Variants in PDGFC observed in about 807,000 individuals in gnomAD.
The protein encoded by PDGFC is platelet derived growth factor C, also known as platelet-derived growth factor C.
PDGFC carries 12 observed loss-of-function variants against 35.5 expected under a neutral mutation model. That is an observed-to-expected ratio of 0.34 (90% CI 0.22 to 0.55). The LOEUF is 0.55. Among genes scored for constraint, PDGFC ranks in the 20% least tolerant of loss-of-function variants. The pLI, the probability that PDGFC is intolerant of heterozygous loss-of-function variation, is 0.91. For missense variants in PDGFC, 322 were observed against 412.4 expected (o/e 0.78, Z 1.90); for synonymous variants, 159 against 148.8 (o/e 1.07, Z -0.50).
At chr4:156,797,751 G>A (rs1395747247) in intron 3 of PDGFC, among the ~76,000 whole-genome samples, 4 of 152,224 alleles carry the variant, frequency 2.6e-5, no homozygotes, top group African/African-American at 9.6e-5. Context: ...CAAGCTTGGA[G>A]TTGGTCACCT....
chr4:156,893,337 A>ATT, intron 1 of PDGFC, among the ~76,000 whole-genome samples: 1 of 147,640 alleles, frequency 6.8e-6, no homozygotes, highest in Non-Finnish European at 1.5e-5. Flanking sequence ...CTCTAACTAG[A>ATT]TTTTTTTTTT....
At chr4:156,970,412 A>C (rs1732563630) in intron 1 of PDGFC, among the ~76,000 whole-genome samples, 1 of 152,102 alleles carries the variant, frequency 6.6e-6, no homozygotes, top group African/African-American at 2.4e-5. Context: ...CGCCCTCCCC[A>C]AATCTGAGTA....
At chr4:156,773,106 T>C (rs946744278) in intron 3 of PDGFC, among the ~76,000 whole-genome samples, 1 of 152,184 alleles carries the variant, frequency 6.6e-6, no homozygotes, top group Non-Finnish European at 1.5e-5. Flanking sequence ...TTAATTTTCA[T>C]TACCACCAAC....
At chr4:156,779,085 T>C (rs1181750436) in intron 3 of PDGFC, 13 of 455,716 alleles carry the variant, frequency 2.9e-5, no homozygotes, top group Non-Finnish European at 8.8e-6. Context: ...ACAGAGGTCT[T>C]ACTTTTAAAG....
At chr4:156,952,300 G>A (rs1005752012) in intron 1 of PDGFC, among the ~76,000 whole-genome samples, 1 of 151,814 alleles carries the variant, frequency 6.6e-6, no homozygotes, top group Non-Finnish European at 1.5e-5. Context: ...ATTACACACT[G>A]GCATTCAATG....
At chr4:156,778,954 A>G (rs1390716687) in intron 3 of PDGFC, 1 of 287,054 alleles carries the variant, frequency 3.5e-6, no homozygotes, top group Non-Finnish European at 7.0e-6. Flanking sequence ...AGTTAAAAAT[A>G]AAACAATATT....
At chr4:156,904,289 A>ATT (rs1730862856) in intron 1 of PDGFC, among the ~76,000 whole-genome samples, 1 of 152,084 alleles carries the variant, frequency 6.6e-6, no homozygotes, top group Non-Finnish European at 1.5e-5. Context: ...AGAGATCATA[A>ATT]TTAAAAGCCT....
At chr4:156,838,620 C>G (rs910746467) in intron 2 of PDGFC, among the ~76,000 whole-genome samples, 4 of 152,158 alleles carry the variant, frequency 2.6e-5, no homozygotes, top group Admixed American at 6.5e-5. Context: ...GAGAAAAATA[C>G]CAAAAGAGAT....
chr4:156,876,369 C>T (rs1275103135), intron 1 of PDGFC: 1 of 152,152 alleles, frequency 6.6e-6, no homozygotes, highest in African/African-American at 2.4e-5. Flanking sequence ...AAAAAAGTTA[C>T]TTGATCATTT....
intron 3 of PDGFC, among the ~76,000 whole-genome samples, chr4:156,795,348 G>T (rs191140979): frequency 5.8e-4 from 88 of 152,238 alleles, no homozygotes; most frequent in Middle Eastern, 3.4e-3. Flanking sequence ...GGATTTCTGA[G>T]CTTAGATTGC....
intron 1 of PDGFC, among the ~76,000 whole-genome samples, chr4:156,910,119 T>G (rs1325893895): frequency 2.6e-5 from 4 of 152,170 alleles, no homozygotes; most frequent in African/African-American, 7.2e-5. Flanking sequence ...CATTCTGAAC[T>G]GTGAATTGTT....
chr4:156,937,100 A>T (rs1352614751), intron 1 of PDGFC, among the ~76,000 whole-genome samples: 2 of 152,188 alleles, frequency 1.3e-5, no homozygotes, highest in Non-Finnish European at 2.9e-5. Flanking sequence ...TGAAAAAAGC[A>T]AGGTGTGTGC....
intron 2 of PDGFC, among the ~76,000 whole-genome samples, chr4:156,827,193 G>A (rs193187652): frequency 2.6e-4 from 39 of 152,214 alleles, no homozygotes; most frequent in Non-Finnish European, 3.8e-4. Context: ...CAAGGTGGGC[G>A]GAACACGAGG....
At chr4:156,915,047 T>C (rs193159191) in intron 1 of PDGFC, among the ~76,000 whole-genome samples, 3 of 152,102 alleles carry the variant, frequency 2.0e-5, no homozygotes, top group East Asian at 3.9e-4. Context: ...GTGGGACAAC[T>C]CTCCAAAACC....
chr4:156,931,599 C>T (rs1450423677), intron 1 of PDGFC, among the ~76,000 whole-genome samples: 1 of 152,126 alleles, frequency 6.6e-6, no homozygotes, highest in Non-Finnish European at 1.5e-5. Context: ...AAGGCCAAGA[C>T]AATAGACAAA....
intron 1 of PDGFC, among the ~76,000 whole-genome samples, chr4:156,859,460 G>A (rs566471058): frequency 6.6e-6 from 1 of 152,176 alleles, no homozygotes; most frequent in East Asian, 1.9e-4. Flanking sequence ...CATGATATTT[G>A]AAATTTGGAA....
At chr4:156,862,569 A>T (rs1373276501) in intron 1 of PDGFC, among the ~76,000 whole-genome samples, 4 of 152,186 alleles carry the variant, frequency 2.6e-5, no homozygotes, top group African/African-American at 9.7e-5. Flanking sequence ...GTTGATTTCA[A>T]CACAACACAC....
chr4:156,788,801 T>A (rs963345591), intron 3 of PDGFC, among the ~76,000 whole-genome samples: 10 of 152,240 alleles, frequency 6.6e-5, no homozygotes, highest in Admixed American at 6.5e-4. Flanking sequence ...TCTTGCTAAA[T>A]GTCTTCCTTA....
chr4:156,915,521 G>T (rs1055444828), intron 1 of PDGFC, among the ~76,000 whole-genome samples: 1 of 152,142 alleles, frequency 6.6e-6, no homozygotes, highest in African/African-American at 2.4e-5. Context: ...CAAGGTGCGG[G>T]GGGGCAGGGT....
Sources: allele counts gnomAD v4.1 joint callset (sites outside exome capture counted in the v4.1 genomes callset), GRCh38; gene constraint gnomAD v4.1.1; transcripts MANE v1.5; gene names NCBI Gene and HGNC (gene_info 2026-07-23, HGNC 2026-07-21).